The following GCKR variants were observed in gnomAD, a reference collection of about 807,000 sequenced individuals.
The protein encoded by GCKR is glucokinase regulatory protein.
In GCKR, 73 loss-of-function variants were observed where a neutral mutation model predicts 82.9. That is an observed-to-expected ratio of 0.88 (90% confidence interval 0.73 to 1.07). The LOEUF (loss-of-function observed/expected upper bound fraction) is 1.07, where lower values mean the gene tolerates loss of function less well. Among genes scored for constraint, GCKR ranks in the 50% least tolerant of loss-of-function variants. The pLI is 0.00. For synonymous variants in GCKR, 294 were observed against 291.8 expected (o/e 1.01, Z -0.08); for missense variants, 784 against 782.1 (o/e 1.00, Z -0.03).
intron 9 of GCKR, among the ~76,000 whole-genome samples, chr2:27,505,080 C>A (rs1321287025): frequency 7.7e-6 from 1 of 129,600 alleles, no homozygotes; most frequent in Non-Finnish European, 1.5e-5. Flanking sequence ...GATCCAAGAT[C>A]GTGCCACTGC....
chr2:27,522,331 A>G (rs1231035074), intron 17 of GCKR, 129 bp from the exon 18 acceptor site: 3 of 898,606 alleles, frequency 3.3e-6, no homozygotes, highest in African/African-American at 1.6e-5. Context: ...TGGACAAATC[A>G]TCTACAGCCT....
rs1316598268 is a variant in GCKR, at chr2:27,518,878, A to G, written c.1513A>G (p.Met505Val). The G allele has an allele frequency of 6.8e-7, 1 of 1,463,238 alleles. No individual in the cohort carries two copies. 90.6% of individuals were successfully genotyped at this position (1,463,238 alleles called of 1,614,324 possible). A position where few individuals can be genotyped will look rare whatever the true frequency, so the allele number is the denominator to read the frequency against. Residue 505 changes from methionine to valine, a missense_variant, in exon 17 of 19, where the codon ATG (methionine) becomes GTG (valine). Met to Val is a conservative substitution (Grantham distance 21). Transcript: ENST00000264717. ...TCTTGGTAAGATCCTACAAAACCAC[A>G]TGTTGGACCTTCGGATTAGCAACTC... ...VLLGKILQNH[M>V]LDLRISNSKL...
chr2:27,518,693 G>A, intron 16 of GCKR, 95 bp from the exon 17 acceptor site: 1 of 1,021,318 alleles, frequency 9.8e-7, no homozygotes, highest in Non-Finnish European at 1.6e-6. Context: ...CCTGGTTCTT[G>A]ACAGTTGGTT....
intron 16 of GCKR, among the ~76,000 whole-genome samples, chr2:27,516,662 A>G (rs1339386668): frequency 6.6e-6 from 1 of 152,160 alleles, no homozygotes; most frequent in African/African-American, 2.4e-5. Flanking sequence ...TTTAAAATGA[A>G]TGTGTCGCAC....
At chr2:27,499,247 C>T in intron 6 of GCKR, 39 bp downstream of exon 6, 2 of 1,476,000 alleles carry the variant, frequency 1.4e-6, no homozygotes, top group South Asian at 1.1e-5. Flanking sequence ...AGACCTCTAT[C>T]TGTTCCTTCT....
intron 7 of GCKR, among the ~76,000 whole-genome samples, chr2:27,500,457 A>G (rs1669547523): frequency 6.6e-6 from 1 of 152,216 alleles, no homozygotes; most frequent in Non-Finnish European, 1.5e-5. Context: ...AAGTTATTGG[A>G]ACACAGCCAT....
chr2:27,505,694 T>A (rs752993342), intron 9 of GCKR, 24 bp from the exon 10 acceptor site: 6 of 1,305,114 alleles, frequency 4.6e-6, no homozygotes, highest in Non-Finnish European at 6.7e-6. Flanking sequence ...TCCCAATTCC[T>A]CTTGGGTGTC....
chr2:27,517,375 C>G (rs1670036575), intron 16 of GCKR, among the ~76,000 whole-genome samples: 1 of 152,018 alleles, frequency 6.6e-6, no homozygotes, highest in African/African-American at 2.4e-5. Context: ...CCTCAGGAAA[C>G]TTACAATCAT....
chr2:27,507,776 T>TGGTGAAATGG lies in GCKR; in HGVS notation c.1240+4_1240+5insAATGGGGTGA, dbSNP rs758259035. On this transcript the variant is annotated frameshift_variant and splice_region_variant, in exon 14 of 19. Coordinates refer to ENST00000264717, the MANE Select transcript of GCKR (RefSeq NM_001486.4). LOFTEE classifies it high-confidence loss of function. The stretch of plus-strand genomic sequence containing the variant: ...CTGTGGTCTTCATTTTCACCCTGGA[T>TGGTGAAATGG]GGTGAGAGGGAAGATGGGAGTGGTG... The TGGTGAAATGG allele has an allele frequency of 6.5e-7, 1 of 1,540,334 alleles. No individual in the cohort carries two copies. Among genetic ancestry groups the TGGTGAAATGG allele is most frequent in the South Asian group, 1.1e-5 (1 of 89,612 alleles).
At position 27,523,590 on chromosome 2, in the gene GCKR, C is replaced by T. The variant is rs776913966; in HGVS notation, c.*151C>T. 26 of 733,008 alleles carry T rather than the reference C, an allele frequency of 3.5e-5. No individual in the cohort carries two copies. Among genetic ancestry groups the T allele is most frequent in the Non-Finnish European group, 5.4e-5 (23 of 427,070 alleles). The allele number at this position is 733,008 out of a possible 1,614,324, so 45.4% of individuals were successfully genotyped here. A position where few individuals can be genotyped will look rare whatever the true frequency, so the allele number is the denominator to read the frequency against. The stretch of plus-strand genomic sequence containing the variant: ...AGGGTAGGGAGAAATATTCTCTCCA[C>T]TTTGGGGGAGAGTTCTTGCTCTCGA... On this transcript the variant is annotated 3_prime_UTR_variant, in exon 19 of 19. Coordinates refer to ENST00000264717, the MANE Select transcript of GCKR (RefSeq NM_001486.4).
At chr2:27,511,530 C>G (rs886859551) in intron 16 of GCKR, among the ~76,000 whole-genome samples, 3 of 151,370 alleles carry the variant, frequency 2.0e-5, no homozygotes, top group African/African-American at 7.3e-5. Context: ...AACCCTGTCT[C>G]TACTAAAAAT....
intron 10 of GCKR, among the ~76,000 whole-genome samples, chr2:27,506,165 G>C (rs1202951296): frequency 2.6e-5 from 4 of 152,060 alleles, no homozygotes; most frequent in Non-Finnish European, 4.4e-5. Flanking sequence ...TCCTACTCTG[G>C]ACCTGCCTCC....
At chr2:27,522,401 C>T in intron 17 of GCKR, 59 bp from the exon 18 acceptor site, 1 of 1,583,100 alleles carries the variant, frequency 6.3e-7, no homozygotes, top group Non-Finnish European at 8.7e-7. Context: ...TCTCCCTTGA[C>T]TCCATTCTTA....
intron 5 of GCKR, 24 bp downstream of exon 5, chr2:27,498,821 A>G: frequency 2.2e-6 from 3 of 1,370,334 alleles, no homozygotes; most frequent in Non-Finnish European, 3.1e-6. Context: ...GCCTATGAAT[A>G]TTTTGTTTGA....
In GCKR at chr2:27,523,310, G is replaced by A. The variant is rs200324499; in HGVS notation, c.1749G>A (p.Ser583=). Reference sequence around the variant, plus strand: ...TGCTGAGCCTCCTATTCCGGTGCTCGATCACTGAGGCTCAGGCACACCTGG... The same window carrying A: ...TGCTGAGCCTCCTATTCCGGTGCTCAATCACTGAGGCTCAGGCACACCTGG... The part of the protein sequence containing the change: ...IALLSLLFRC[S]ITEAQAHLAA... The change falls in exon 19 of 19, where the codon TCG becomes TCA. Residue 583 remains serine (S), a synonymous_variant. Transcript: ENST00000264717. The A allele has an allele frequency of 2.2e-5, 35 of 1,612,822 alleles. No homozygotes were observed. The highest frequency in any genetic ancestry group is 6.7e-5 in the Admixed American group (4 of 60,000).
intron 16 of GCKR, among the ~76,000 whole-genome samples, chr2:27,513,887 C>T (rs1669943766): frequency 6.6e-6 from 1 of 151,140 alleles, no homozygotes; most frequent in South Asian, 2.1e-4. Flanking sequence ...ATCTCTTCCT[C>T]ATTATTACTT....
intron 8 of GCKR, among the ~76,000 whole-genome samples, chr2:27,502,646 G>A (rs1669613478): frequency 6.6e-6 from 1 of 152,122 alleles, no homozygotes; most frequent in Non-Finnish European, 1.5e-5. Flanking sequence ...AATAGTTTGA[G>A]GAAGAATGAC....
intron 17 of GCKR, among the ~76,000 whole-genome samples, chr2:27,520,596 A>G (rs1432787116): frequency 6.6e-6 from 1 of 152,264 alleles, no homozygotes; most frequent in Non-Finnish European, 1.5e-5. Flanking sequence ...GCTATTGAGC[A>G]CTTGAAATGT....
At chr2:27,509,687 C>T (rs113472519) in intron 16 of GCKR, 1 of 160,016 alleles carries the variant, frequency 6.2e-6, no homozygotes, top group Admixed American at 6.8e-5. Flanking sequence ...AACAGCCATA[C>T]ATTTTTTATA....
Sources: gnomAD v4.1 joint callset for allele counts (sites outside exome capture counted in the v4.1 genomes callset) on GRCh38, gnomAD v4.1.1 for gene constraint, MANE v1.5 for transcripts, NCBI Gene and HGNC (gene_info 2026-07-23, HGNC 2026-07-21) for gene names.